MKLN1: variants seen among roughly 807,000 people sequenced by gnomAD.
MKLN1 encodes muskelin 1.
MKLN1 carries 18 observed loss-of-function variants against 99.0 expected under a neutral mutation model. The ratio of observed to expected loss-of-function variants is 0.18; its 90% CI spans 0.13 to 0.27. The LOEUF (loss-of-function observed/expected upper bound fraction) is 0.27, where lower values mean the gene tolerates loss of function less well. Among genes scored for constraint, MKLN1 ranks in the 10% least tolerant of loss-of-function variants. The pLI, the probability that MKLN1 is intolerant of heterozygous loss-of-function variation, is 1.00. For synonymous variants in MKLN1, 288 were observed against 293.2 expected (o/e 0.98, Z 0.18); for missense variants, 621 against 875.9 (o/e 0.71, Z 3.67).
At chr7:131,402,447 A>G (rs972451550) in intron 6 of MKLN1, among the ~76,000 whole-genome samples, 6 of 152,080 alleles carry the variant, frequency 3.9e-5, no homozygotes, top group African/African-American at 1.2e-4. Context: ...ACTTCTTCCA[A>G]ACTCTTGTTT....
At chr7:131,260,490 A>G (rs2116534906) in intron 3 of MKLN1, among the ~76,000 whole-genome samples, 1 of 152,312 alleles carries the variant, frequency 6.6e-6, no homozygotes, top group East Asian at 1.9e-4. Context: ...AAATGAAAAA[A>G]CATTCCATGC....
At position 131,399,241 on chromosome 7, in the gene MKLN1, T is replaced by A; in HGVS notation, c.511T>A (p.Tyr171Asn). 6.2e-7 allele frequency: 1 copy of A among 1,612,986 alleles called. No individual in the cohort carries two copies. ...VQPCLNWYSK[Y>N]REQEAIRLCL... ...CCATACTTACTCTGTGTTCTAGTAGTACCGTGAACAGGAAGCTATTCGCCT... is the reference window on the plus strand; with the variant it reads ...CCATACTTACTCTGTGTTCTAGTAGAACCGTGAACAGGAAGCTATTCGCCT... The change falls in exon 6 of 18, where the codon TAC becomes AAC. Residue 171 changes from tyrosine (Y) to asparagine (N), a missense_variant and splice_region_variant. Transcript: ENST00000352689.
At chr7:131,410,997 G>A (rs1038240936) in intron 6 of MKLN1, among the ~76,000 whole-genome samples, 1 of 151,490 alleles carries the variant, frequency 6.6e-6, no homozygotes, top group Non-Finnish European at 1.5e-5. Context: ...TGTCACATAC[G>A]TGTCCGTTGA....
At chr7:131,277,729 A>T (rs1797995241) in intron 3 of MKLN1, among the ~76,000 whole-genome samples, 2 of 152,136 alleles carry the variant, frequency 1.3e-5, no homozygotes, top group South Asian at 4.1e-4. Flanking sequence ...TGTGCATTTC[A>T]AAACGGCTAG....
At chr7:131,293,114 C>G (rs745395667) in intron 3 of MKLN1, among the ~76,000 whole-genome samples, 1 of 152,204 alleles carries the variant, frequency 6.6e-6, no homozygotes, top group Non-Finnish European at 1.5e-5. Context: ...TAGGCCTCAA[C>G]AGAGGCTTCT....
intron 2 of MKLN1, among the ~76,000 whole-genome samples, chr7:131,377,644 CTTTA>C (rs1326963347): frequency 2.6e-5 from 4 of 152,076 alleles, no homozygotes; most frequent in East Asian, 1.9e-4. Context: ...TTGAAATTGT[CTTTA>C]TTTGTTATTG....
intron 2 of MKLN1, among the ~76,000 whole-genome samples, chr7:131,173,287 A>G (rs184623354): frequency 1.6e-3 from 247 of 152,340 alleles, no homozygotes; most frequent in Admixed American, 2.8e-3. Context: ...CACTACAGAT[A>G]GTTGAACCTT....
intron 2 of MKLN1, among the ~76,000 whole-genome samples, chr7:131,381,648 A>G (rs1216779714): frequency 6.6e-6 from 1 of 152,222 alleles, no homozygotes; most frequent in African/African-American, 2.4e-5. Context: ...CACCACTGCC[A>G]TCATTTTGAA....
chr7:131,426,152 G>A (rs1196565025), intron 8 of MKLN1, among the ~76,000 whole-genome samples: 2 of 152,160 alleles, frequency 1.3e-5, no homozygotes, highest in Admixed American at 1.3e-4. Context: ...AGCTATCAAT[G>A]AGGCTGTTGT....
intron 10 of MKLN1, among the ~76,000 whole-genome samples, chr7:131,441,032 T>C (rs1433331931): frequency 6.6e-6 from 1 of 152,168 alleles, no homozygotes; most frequent in Non-Finnish European, 1.5e-5. Context: ...TAGAGCAACA[T>C]CTAGAAGACA....
chr7:131,139,597 C>T (rs1184889784), intron 1 of MKLN1, among the ~76,000 whole-genome samples: 4 of 152,160 alleles, frequency 2.6e-5, no homozygotes, highest in Non-Finnish European at 5.9e-5. Flanking sequence ...TCTGACTGGT[C>T]CTGATACATG....
intron 6 of MKLN1, among the ~76,000 whole-genome samples, chr7:131,409,768 CT>C (rs946609220): frequency 6.6e-6 from 1 of 152,100 alleles, no homozygotes; most frequent in Non-Finnish European, 1.5e-5. Flanking sequence ...GGGTTTCTAG[CT>C]TAAAAAGTAA....
At chr7:131,300,155 G>T (rs1386382518) in intron 3 of MKLN1, among the ~76,000 whole-genome samples, 2 of 152,012 alleles carry the variant, frequency 1.3e-5, no homozygotes, top group African/African-American at 2.4e-5. Context: ...TGGGTAAGGG[G>T]GAGAGAATAG....
chr7:131,250,636 T>C (rs1264884821), intron 3 of MKLN1, among the ~76,000 whole-genome samples: 1 of 152,024 alleles, frequency 6.6e-6, no homozygotes, highest in Non-Finnish European at 1.5e-5. Flanking sequence ...AAAGACATAG[T>C]CAATCAGAAA....
upstream of MKLN1, among the ~76,000 whole-genome samples, chr7:131,326,427 C>T (rs1187193201): frequency 6.6e-6 from 1 of 152,224 alleles, no homozygotes; most frequent in Non-Finnish European, 1.5e-5. Flanking sequence ...TCACTGCAAC[C>T]TCTGCCTCCT....
intron 4 of MKLN1, among the ~76,000 whole-genome samples, chr7:131,392,256 G>A (rs955709241): frequency 6.6e-6 from 1 of 152,122 alleles, no homozygotes; most frequent in African/African-American, 2.4e-5. Context: ...TAAATGGAGA[G>A]ATGTGGATTT....
chr7:131,353,899 T>G (rs1799794195), intron 1 of MKLN1, among the ~76,000 whole-genome samples: 1 of 122,776 alleles, frequency 8.1e-6, no homozygotes, highest in African/African-American at 3.3e-5. Flanking sequence ...CTTTTGTACC[T>G]TTGTAAAAAA....
At chr7:131,281,886 C>T (rs753908457) in intron 3 of MKLN1, among the ~76,000 whole-genome samples, 28 of 152,026 alleles carry the variant, frequency 1.8e-4, no homozygotes, top group Non-Finnish European at 2.8e-4. Context: ...GTTGCCCAGG[C>T]TGGCCTTGAA....
At chr7:131,391,591 A>G (rs1044301137) in intron 4 of MKLN1, among the ~76,000 whole-genome samples, 1 of 152,242 alleles carries the variant, frequency 6.6e-6, no homozygotes, top group African/African-American at 2.4e-5. Flanking sequence ...TCTGTTGTGG[A>G]TAATTCAGAG....
Sources: gnomAD v4.1 joint callset for allele counts (sites outside exome capture counted in the v4.1 genomes callset) on GRCh38, gnomAD v4.1.1 for gene constraint, MANE v1.5 for transcripts, NCBI Gene and HGNC (gene_info 2026-07-23, HGNC 2026-07-21) for gene names.